ATXN2: variants seen among roughly 807,000 people sequenced by gnomAD.
ATXN2 encodes the protein ataxin-2.
A neutral mutation model predicts 138.6 loss-of-function variants in ATXN2; 37 were observed. That is an observed-to-expected ratio of 0.27 (90% confidence interval 0.21 to 0.35). The LOEUF is 0.35. Among genes scored for constraint, ATXN2 ranks in the 10% least tolerant of loss-of-function variants. ATXN2 has a pLI of 1.00. For missense variants in ATXN2, 1,216 were observed against 1,480.3 expected, an observed-to-expected ratio of 0.82 and a Z score of 2.93; for synonymous variants, 549 against 543.7, an observed-to-expected ratio of 1.01 and a Z score of -0.13.
chr12:111,582,993 GTTTT>G (rs374845735), intron 1 of ATXN2, among the ~76,000 whole-genome samples: 1 of 100,058 alleles, frequency 1.0e-5, no homozygotes, highest in Non-Finnish European at 2.0e-5. Flanking sequence ...TTTTTTGTTT[GTTTT>G]TTTTTTTTTT....
intron 1 of ATXN2, among the ~76,000 whole-genome samples, chr12:111,582,491 C>G (rs183182606): frequency 6.6e-6 from 1 of 152,092 alleles, no homozygotes; most frequent in Admixed American, 6.5e-5. Flanking sequence ...GCCTGTGGTC[C>G]CAGCTACTCA....
intron 1 of ATXN2, among the ~76,000 whole-genome samples, chr12:111,557,957 A>G (rs1248175726): frequency 9.2e-5 from 14 of 152,218 alleles, no homozygotes; most frequent in Admixed American, 8.5e-4. Context: ...GCCTCCCTAC[A>G]AAGCTATATA....
At chr12:111,568,991 T>TTTTTG (rs138147841) in intron 1 of ATXN2, among the ~76,000 whole-genome samples, 1,887 of 151,166 alleles carry the variant, frequency 0.012, 39 homozygotes, top group African/African-American at 0.043. Flanking sequence ...GCTAGAGTTT[T>TTTTTG]TTTTGTTTTG....
intron 23 of ATXN2, chr12:111,455,217 A>G (rs1874986969): frequency 1.5e-6 from 1 of 683,060 alleles, no homozygotes; most frequent in South Asian, 1.5e-5. Flanking sequence ...AATACAGCCA[A>G]TTCACCCGTA....
intron 1 of ATXN2, among the ~76,000 whole-genome samples, chr12:111,561,046 G>A (rs529946696): frequency 7.3e-5 from 11 of 151,266 alleles, no homozygotes; most frequent in East Asian, 5.9e-4. Flanking sequence ...TTAGCCAGGC[G>A]TGGTGGCAGG....
intron 6 of ATXN2, among the ~76,000 whole-genome samples, chr12:111,522,257 C>T (rs35083070): frequency 1.0e-3 from 148 of 148,474 alleles, no homozygotes; most frequent in African/African-American, 3.5e-3. Flanking sequence ...GCACACAATA[C>T]GGAAAGACAT....
Position 111,456,040 on chromosome 12 carries a change from G to T in ATXN2, c.3259C>A (p.His1087Asn). ...AAAGCTGGTATTACCTGAGGTACGT[G>T]GGCCATGTGGGGTGGGTTGGTATAC... ...PAYTNPPHMA[H>N]VPQAHVQSGM... Residue 1087 changes from histidine (H) to asparagine (N), a missense_variant, in exon 23 of 25, where the codon CAC (histidine) becomes AAC (asparagine). Physicochemically the swap from His to Asn is moderately conservative, Grantham distance 68. Coordinates refer to ENST00000673436, the MANE Select transcript of ATXN2 (RefSeq NM_001372574.1). 6.2e-7 allele frequency: 1 copy of T among 1,614,124 alleles called. No individual in the cohort carries two copies. The highest frequency in any genetic ancestry group is 8.5e-7 in the Non-Finnish European group (1 of 1,179,962).
At chr12:111,570,221 C>CG (rs2135812201) in intron 1 of ATXN2, among the ~76,000 whole-genome samples, 1 of 152,024 alleles carries the variant, frequency 6.6e-6, no homozygotes, top group South Asian at 2.1e-4. Context: ...TCTCTCCCAA[C>CG]GATCTACCCG....
At chr12:111,559,173 G>A (rs1213479586) in intron 1 of ATXN2, among the ~76,000 whole-genome samples, 2 of 148,708 alleles carry the variant, frequency 1.3e-5, no homozygotes, top group African/African-American at 2.5e-5. Context: ...TCACTCTGTC[G>A]CCAGGCTGGA....
chr12:111,492,565 C>T (rs1239804378), intron 14 of ATXN2, among the ~76,000 whole-genome samples: 1 of 152,058 alleles, frequency 6.6e-6, no homozygotes, highest in African/African-American at 2.4e-5. Flanking sequence ...ACCTGTAATC[C>T]CAGCTACTCA....
At chr12:111,532,094 T>TA (rs1310205872) in intron 5 of ATXN2, among the ~76,000 whole-genome samples, 1 of 152,228 alleles carries the variant, frequency 6.6e-6, no homozygotes, top group Non-Finnish European at 1.5e-5. Flanking sequence ...CACATGCCTA[T>TA]AATCCCAGCT....
intron 1 of ATXN2, among the ~76,000 whole-genome samples, chr12:111,582,368 G>A (rs1592926929): frequency 1.3e-5 from 2 of 151,186 alleles, no homozygotes; most frequent in Non-Finnish European, 1.5e-5. Flanking sequence ...GCTTGAACTC[G>A]GGAGGTGGAG....
intron 5 of ATXN2, among the ~76,000 whole-genome samples, chr12:111,536,662 G>C (rs1002372140): frequency 3.3e-5 from 5 of 151,298 alleles, no homozygotes; most frequent in Non-Finnish European, 4.4e-5. Flanking sequence ...TATGTAAAAG[G>C]TTCAACATAG....
intron 1 of ATXN2, among the ~76,000 whole-genome samples, chr12:111,580,685 G>C (rs867398618): frequency 1.1e-3 from 93 of 84,054 alleles, no homozygotes; most frequent in African/African-American, 4.2e-3. Flanking sequence ...GGGGGGGAGA[G>C]AGAAGGGGAG....
At chr12:111,494,184 C>A (rs1878254415) in intron 14 of ATXN2, among the ~76,000 whole-genome samples, 1 of 152,140 alleles carries the variant, frequency 6.6e-6, no homozygotes, top group African/African-American at 2.4e-5. Flanking sequence ...CCCACCTCAG[C>A]CTCCCAAAGT....
chr12:111,484,754 G>A (rs965146559), intron 18 of ATXN2, among the ~76,000 whole-genome samples: 7 of 151,322 alleles, frequency 4.6e-5, no homozygotes, highest in Non-Finnish European at 8.8e-5. Context: ...TGTTTGAGAC[G>A]GGGTCTCACT....
At chr12:111,554,791 A>G (rs979095383) in intron 2 of ATXN2, among the ~76,000 whole-genome samples, 8 of 152,310 alleles carry the variant, frequency 5.3e-5, no homozygotes, top group African/African-American at 1.9e-4. Flanking sequence ...GATTGTATGC[A>G]ATTGTTAAAA....
chr12:111,575,107 A>C (rs1883559686), intron 1 of ATXN2, among the ~76,000 whole-genome samples: 1 of 152,126 alleles, frequency 6.6e-6, no homozygotes, highest in Non-Finnish European at 1.5e-5. Context: ...GACCCTAATC[A>C]ATTTTTCAAG....
intron 18 of ATXN2, chr12:111,471,628 T>C (rs1876419375): frequency 6.6e-6 from 1 of 152,146 alleles, no homozygotes; most frequent in Non-Finnish European, 1.5e-5. Context: ...AATTTGTGGC[T>C]AAACATTCAC....
Sources: gnomAD v4.1 joint callset for allele counts (sites outside exome capture counted in the v4.1 genomes callset) on GRCh38, gnomAD v4.1.1 for gene constraint, MANE v1.5 for transcripts, NCBI Gene and HGNC (gene_info 2026-07-23, HGNC 2026-07-21) for gene names.